ROBO2: variants seen among roughly 807,000 people sequenced by gnomAD.
The protein encoded by ROBO2 is roundabout homolog 2.
A neutral mutation model predicts 160.8 loss-of-function variants in ROBO2; 53 were observed. That is an observed-to-expected ratio of 0.33 (90% confidence interval 0.26 to 0.41). ROBO2 has a LOEUF of 0.41. Among genes scored for constraint, ROBO2 ranks in the 10% least tolerant of loss-of-function variants. The pLI is 1.00. For missense variants in ROBO2, 1,577 were observed against 1,722.4 expected (o/e 0.92, Z 1.49); for synonymous variants, 664 against 611.7 (o/e 1.09, Z -1.26).
intron 2 of ROBO2, among the ~76,000 whole-genome samples, chr3:76,541,011 A>T (rs986740507): frequency 3.3e-5 from 5 of 152,072 alleles, no homozygotes; most frequent in African/African-American, 1.2e-4. Flanking sequence ...TGTGGGCCCA[A>T]CTGGTCTCAA....
chr3:77,540,521 G>A (rs2092410172), intron 6 of ROBO2, among the ~76,000 whole-genome samples: 1 of 151,354 alleles, frequency 6.6e-6, no homozygotes, highest in Non-Finnish European at 1.5e-5. Context: ...TGAACAATGT[G>A]AACACATAGG....
exon 12 of ROBO2, chr3:77,565,105 C>T (rs1355578786): frequency 6.2e-7 from 1 of 1,613,588 alleles, no homozygotes; most frequent in East Asian, 2.2e-5. Context: ...CATGTCAGAT[C>T]CTGTGCGCAC....
intron 2 of ROBO2, among the ~76,000 whole-genome samples, chr3:76,997,521 C>T (rs1465358109): frequency 2.6e-5 from 4 of 152,106 alleles, no homozygotes; most frequent in Non-Finnish European, 4.4e-5. Flanking sequence ...TATCTTCGAA[C>T]ACATGGGCAA....
At chr3:76,329,321 A>G (rs893257011) in intron 2 of ROBO2, among the ~76,000 whole-genome samples, 3 of 152,184 alleles carry the variant, frequency 2.0e-5, no homozygotes, top group Admixed American at 2.0e-4. Flanking sequence ...TGGGTCAAGC[A>G]GTGTTCATGC....
intron 2 of ROBO2, among the ~76,000 whole-genome samples, chr3:76,600,935 T>C (rs1307014100): frequency 2.0e-5 from 3 of 152,150 alleles, no homozygotes; most frequent in Non-Finnish European, 4.4e-5. Context: ...GCAAGTTAGT[T>C]ACTTCCTAGA....
intron 1 of ROBO2, among the ~76,000 whole-genome samples, chr3:75,922,806 TTAA>T (rs750763217): frequency 6.3e-4 from 96 of 152,346 alleles, no homozygotes; most frequent in Non-Finnish European, 1.3e-3. Context: ...GTAATTAACT[TTAA>T]TAAATAGGTA....
At chr3:76,855,472 G>T (rs1346553196) in intron 2 of ROBO2, among the ~76,000 whole-genome samples, 2 of 152,176 alleles carry the variant, frequency 1.3e-5, no homozygotes, top group African/African-American at 4.8e-5. Flanking sequence ...CAATCTGCGT[G>T]TATAAAACAA....
At chr3:76,288,200 C>A (rs1294756341) in intron 2 of ROBO2, among the ~76,000 whole-genome samples, 1 of 151,972 alleles carries the variant, frequency 6.6e-6, no homozygotes, top group Non-Finnish European at 1.5e-5. Flanking sequence ...AAGAAACATA[C>A]AAATGTCAGT....
At chr3:76,485,711 T>C (rs1328603354) in intron 2 of ROBO2, among the ~76,000 whole-genome samples, 1 of 152,186 alleles carries the variant, frequency 6.6e-6, no homozygotes, top group African/African-American at 2.4e-5. Context: ...TGTACTGAAG[T>C]AAAACTGTCT....
intron 2 of ROBO2, among the ~76,000 whole-genome samples, chr3:76,733,470 C>A (rs1277068074): frequency 6.6e-6 from 1 of 152,192 alleles, no homozygotes; most frequent in Non-Finnish European, 1.5e-5. Flanking sequence ...AATTTACCAA[C>A]TTATTGTTAG....
At chr3:77,228,258 C>T (rs1260694740) in intron 2 of ROBO2, among the ~76,000 whole-genome samples, 1 of 152,032 alleles carries the variant, frequency 6.6e-6, no homozygotes. Flanking sequence ...CCTTGAACTC[C>T]CGGGCTCAAG....
At chr3:76,180,147 C>G (rs1701436249) in intron 2 of ROBO2, among the ~76,000 whole-genome samples, 1 of 152,046 alleles carries the variant, frequency 6.6e-6, no homozygotes, top group South Asian at 2.1e-4. Flanking sequence ...TGTGAATGCC[C>G]CAACAAGTTC....
intron 2 of ROBO2, among the ~76,000 whole-genome samples, chr3:77,008,043 T>C (rs2061673686): frequency 6.6e-6 from 1 of 152,070 alleles, no homozygotes; most frequent in Non-Finnish European, 1.5e-5. Flanking sequence ...CAGCTCATTA[T>C]TTCCCATCAG....
intron 2 of ROBO2, among the ~76,000 whole-genome samples, chr3:76,391,262 A>G (rs1395076022): frequency 6.6e-6 from 1 of 152,196 alleles, no homozygotes; most frequent in East Asian, 1.9e-4. Context: ...AACTTAGTTG[A>G]TGATTAACAG....
At chr3:77,021,193 T>C (rs1037542263) in intron 2 of ROBO2, among the ~76,000 whole-genome samples, 2 of 151,998 alleles carry the variant, frequency 1.3e-5, no homozygotes, top group Non-Finnish European at 2.9e-5. Context: ...AGAGCAAGAC[T>C]GTCTCCAAAA....
intron 2 of ROBO2, among the ~76,000 whole-genome samples, chr3:76,568,285 C>G (rs1357830032): frequency 6.6e-6 from 1 of 151,766 alleles, no homozygotes; most frequent in African/African-American, 2.4e-5. Context: ...CACTGCTTTT[C>G]TTTTTTAATT....
chr3:76,844,471 A>C (rs1354095229), intron 2 of ROBO2, among the ~76,000 whole-genome samples: 2 of 152,008 alleles, frequency 1.3e-5, no homozygotes, highest in Non-Finnish European at 2.9e-5. Flanking sequence ...TGGAGCAGTA[A>C]GTGAAAACCG....
intron 2 of ROBO2, among the ~76,000 whole-genome samples, chr3:76,100,577 A>G (rs944550035): frequency 1.3e-5 from 2 of 152,220 alleles, no homozygotes; most frequent in Non-Finnish European, 2.9e-5. Context: ...AAGAATAACA[A>G]TATGTATTTC....
At chr3:77,276,437 A>T (rs946190506) in intron 2 of ROBO2, among the ~76,000 whole-genome samples, 9 of 152,108 alleles carry the variant, frequency 5.9e-5, no homozygotes, top group Admixed American at 2.6e-4. Context: ...CCCTGAATCT[A>T]TTTTTGCCCC....
Sources: allele counts gnomAD v4.1 joint callset (sites outside exome capture counted in the v4.1 genomes callset), GRCh38; gene constraint gnomAD v4.1.1; transcripts MANE v1.5; gene names NCBI Gene and HGNC (gene_info 2026-07-23, HGNC 2026-07-21).